The following PLCE1 variants were observed in gnomAD, a reference collection of about 807,000 sequenced individuals.
PLCE1 encodes 1-phosphatidylinositol 4,5-bisphosphate phosphodiesterase epsilon-1.
In PLCE1, 119 loss-of-function variants were observed where a neutral mutation model predicts 242.8. That is an observed-to-expected ratio of 0.49 (90% CI 0.42 to 0.57). PLCE1 has a LOEUF of 0.57. Among genes scored for constraint, PLCE1 ranks in the 20% least tolerant of loss-of-function variants. The probability of loss-of-function intolerance (pLI) is 0.00; values close to 1 mark genes in which losing one functional copy is unlikely to be tolerated. For missense variants in PLCE1, 2,441 were observed against 2,788.8 expected (o/e 0.88, Z 2.81); for synonymous variants, 945 against 1,017.4 (o/e 0.93, Z 1.35).
intron 1 of PLCE1, among the ~76,000 whole-genome samples, chr10:94,026,480 A>T (rs1164670432): frequency 6.6e-6 from 1 of 152,058 alleles, no homozygotes; most frequent in East Asian, 1.9e-4. Flanking sequence ...TCTTCTTCAA[A>T]CCCACTAGAC....
chr10:94,005,241 A>G (rs1163494721), intron 1 of PLCE1, among the ~76,000 whole-genome samples: 1 of 152,238 alleles, frequency 6.6e-6, no homozygotes, highest in Non-Finnish European at 1.5e-5. Flanking sequence ...GACCAGTTCT[A>G]TTCAGTGGGA....
At chr10:94,151,570 G>C (rs1013816640) in intron 3 of PLCE1, among the ~76,000 whole-genome samples, 1 of 152,118 alleles carries the variant, frequency 6.6e-6, no homozygotes, top group Non-Finnish European at 1.5e-5. Context: ...GGATTTTATC[G>C]GGGTGAGAGG....
intron 2 of PLCE1, among the ~76,000 whole-genome samples, chr10:94,037,495 G>A (rs1337260024): frequency 6.6e-6 from 1 of 152,174 alleles, no homozygotes; most frequent in Non-Finnish European, 1.5e-5. Context: ...AAAATTTCGT[G>A]GGGTGCTTAG....
chr10:94,265,834 A>T lies in PLCE1; in HGVS notation c.4157A>T (p.Glu1386Val), dbSNP rs373593323. The part of the protein sequence containing the change: ...DKENFASKND[E>V]SQENIKELQL... ...GAAAATTTTGCCTCAAAAAATGATG[A>T]GTCACAGGAGAACATTAAAGAACTG... The change falls in exon 16 of 33, where the codon GAG (glutamate) becomes GTG (valine). Residue 1386 changes from glutamate to valine, a missense_variant. Transcript: ENST00000371380. 12 of 1,613,996 alleles carry T rather than the reference A, an allele frequency of 7.4e-6. No individual in the cohort carries two copies. The African/African-American group carries it at 1.3e-4, about 18-fold the overall frequency.
intron 2 of PLCE1, among the ~76,000 whole-genome samples, chr10:94,101,907 A>G (rs1310787330): frequency 6.6e-6 from 1 of 152,178 alleles, no homozygotes; most frequent in Non-Finnish European, 1.5e-5. Flanking sequence ...ACATGTACCC[A>G]GGACATGTAC....
intron 1 of PLCE1, among the ~76,000 whole-genome samples, chr10:94,007,602 T>G (rs1196044909): frequency 7.2e-6 from 1 of 139,302 alleles, no homozygotes; most frequent in African/African-American, 2.7e-5. Flanking sequence ...TTTTTGCTAC[T>G]GGTGTTTCCA....
chr10:94,166,047 C>CA lies in PLCE1; in HGVS notation c.1493-5127dup, dbSNP rs529589985. ...CAAAAGTACTGTTATATGTGCATTA[C>CA]AAAAAAGTTGAGCAAAACAGAACTG... is the stretch of plus-strand genomic sequence containing the variant. On this transcript the variant is annotated intron_variant, in intron 3 of 32. Transcript: ENST00000371380. Among the ~76,000 whole-genome samples, 550 of 152,182 alleles carry CA rather than the reference C, an allele frequency of 3.6e-3. 6 individuals are homozygous for CA. The highest frequency in any genetic ancestry group is 0.013 in the African/African-American group (522 of 41,532).
chr10:94,273,532 T>G, intron 18 of PLCE1, 30 bp from the exon 19 acceptor site: 1 of 1,596,714 alleles, frequency 6.3e-7, no homozygotes, highest in Non-Finnish European at 8.6e-7. Context: ...TAAAAGGCAT[T>G]GATTGTATGT....
At chr10:94,040,843 A>G (rs1445861569) in intron 2 of PLCE1, among the ~76,000 whole-genome samples, 4 of 152,152 alleles carry the variant, frequency 2.6e-5, no homozygotes, top group Non-Finnish European at 4.4e-5. Context: ...CAAAAGAAGG[A>G]TACTATTTCA....
intron 2 of PLCE1, among the ~76,000 whole-genome samples, chr10:94,037,142 C>T (rs2061680454): frequency 6.6e-6 from 1 of 152,182 alleles, no homozygotes; most frequent in Admixed American, 6.5e-5. Flanking sequence ...CTTCTTCATA[C>T]TTTACTCTCA....
intron 4 of PLCE1, among the ~76,000 whole-genome samples, chr10:94,180,415 A>G (rs752155928): frequency 7.9e-5 from 12 of 152,160 alleles, no homozygotes; most frequent in African/African-American, 2.7e-4. Flanking sequence ...GGGATAATTT[A>G]TCATTTCCAC....
At chr10:94,315,537 G>A in intron 28 of PLCE1, 1 of 455,702 alleles carries the variant, frequency 2.2e-6, no homozygotes, top group South Asian at 1.6e-5. Flanking sequence ...GGGAGGCCGA[G>A]GCGGGCAGAT....
intron 7 of PLCE1, among the ~76,000 whole-genome samples, chr10:94,239,418 A>G (rs539970890): frequency 6.6e-6 from 1 of 152,306 alleles, no homozygotes; most frequent in South Asian, 2.1e-4. Flanking sequence ...AGGATGCAGC[A>G]AGGCTTCACC....
At chr10:94,132,949 CAAAA>C (rs33967020) in intron 3 of PLCE1, among the ~76,000 whole-genome samples, 9 of 88,830 alleles carry the variant, frequency 1.0e-4, no homozygotes, top group Admixed American at 1.3e-4. Context: ...GACTCCATCT[CAAAA>C]AAAAAAAAAA....
At position 94,177,346 on chromosome 10, in the gene PLCE1, G is replaced by A. The variant is rs545112441; in HGVS notation, c.1809+5850G>A. 1.7e-4 allele frequency among the ~76,000 whole-genome samples: 26 copies of A among 152,266 alleles called. 1 individual carries two copies. The South Asian group carries it at 5.2e-3, about 30-fold the overall frequency. ...CCCTTCTCATGCCCTATTAGACTGT[G>A]ATGCACACACTAGAGAAACTTCTTA... On this transcript the variant is annotated intron_variant, in intron 4 of 32. Coordinates refer to ENST00000371380, the MANE Select transcript of PLCE1 (RefSeq NM_016341.4).
chr10:94,319,636 A>G (rs1442375104), intron 29 of PLCE1, among the ~76,000 whole-genome samples: 1 of 152,174 alleles, frequency 6.6e-6, no homozygotes, highest in East Asian at 1.9e-4. Flanking sequence ...TAACTTCTGT[A>G]AACCTCACTG....
chr10:94,262,624 G>C lies in PLCE1; in HGVS notation c.3945G>C (p.Glu1315Asp), dbSNP rs767341790. 6.2e-7 allele frequency: 1 copy of C among 1,613,964 alleles called. No individual in the cohort carries two copies. Among genetic ancestry groups the C allele is most frequent in the African/African-American group, 1.3e-5 (1 of 74,902 alleles). Residue 1315 changes from glutamate to aspartate, a missense_variant, in exon 14 of 33, where the codon GAG becomes GAC. By Grantham distance (45) the Glu-to-Asp change is conservative. Coordinates refer to ENST00000371380, the MANE Select transcript of PLCE1 (RefSeq NM_016341.4). ...TTGTGACAAATGGCACTGGGATTGA[G>C]AGCACATCTCTGGGCATTTTTGGGG... ...ASIVTNGTGI[E>D]STSLGIFGVG...
rs772085555 is a variant in PLCE1 at position 94,241,789 on chromosome 10, GAA to G, written c.2421-4140_2421-4139del. 9.5e-4 allele frequency among the ~76,000 whole-genome samples: 64 copies of G among 67,120 alleles called. 1 individual carries two copies. The highest frequency in any genetic ancestry group is 3.7e-3 in the South Asian group (8 of 2,136). The allele number at this position is 67,120 out of a possible 152,430, so 44.0% of individuals were successfully genotyped here. A position where few individuals can be genotyped will look rare whatever the true frequency, so the allele number is the denominator to read the frequency against. ...GCAACAGAGCAAGACTCCATCTCCA[GAA>G]AAAAAAAAAAAAAAAAGCCCCTCTA... On this transcript the variant is annotated intron_variant, in intron 7 of 32. Coordinates refer to ENST00000371380, the MANE Select transcript of PLCE1 (RefSeq NM_016341.4).
At chr10:94,196,840 A>C (rs1308882313) in intron 4 of PLCE1, among the ~76,000 whole-genome samples, 1 of 152,150 alleles carries the variant, frequency 6.6e-6, no homozygotes, top group Non-Finnish European at 1.5e-5. Context: ...TTGAGATACA[A>C]TTTATATACT....
Sources: allele counts gnomAD v4.1 joint callset (sites outside exome capture counted in the v4.1 genomes callset), GRCh38; gene constraint gnomAD v4.1.1; transcripts MANE v1.5; gene names NCBI Gene and HGNC (gene_info 2026-07-23, HGNC 2026-07-21).